Variants in AKAP19 observed in about 807,000 individuals in gnomAD.
AKAP19 encodes the protein small A-kinase anchoring protein.
chr2:190,076,053 T>C, the AKAP19 span, among the ~76,000 whole-genome samples: 494 of 152,334 alleles, frequency 3.2e-3, 6 homozygotes, highest in South Asian at 0.013. Flanking sequence ...CATCATACAT[T>C]TTACCTTTAC....
At chr2:190,149,303 A>AT in the AKAP19 span, among the ~76,000 whole-genome samples, 2 of 151,178 alleles carry the variant, frequency 1.3e-5, 1 homozygote, top group South Asian at 4.2e-4. Flanking sequence ...TATCTTTTGT[A>AT]TTTTTTTGTT....
At chr2:190,092,762 A>G in the AKAP19 span, among the ~76,000 whole-genome samples, 3 of 152,234 alleles carry the variant, frequency 2.0e-5, no homozygotes, top group Non-Finnish European at 4.4e-5. Context: ...TTGCCAGTCC[A>G]GAATAATAGC....
At chr2:189,887,053 C>A in the AKAP19 span, among the ~76,000 whole-genome samples, 1 of 152,110 alleles carries the variant, frequency 6.6e-6, no homozygotes, top group African/African-American at 2.4e-5. Context: ...AGATTCGTTA[C>A]ATAGGTATAC....
chr2:190,038,519 C>A, the AKAP19 span, among the ~76,000 whole-genome samples: 1 of 152,166 alleles, frequency 6.6e-6, no homozygotes, highest in East Asian at 1.9e-4. Context: ...AGAATCAGGG[C>A]ACCATCCTCA....
chr2:190,067,215 C>T, the AKAP19 span, among the ~76,000 whole-genome samples: 1 of 152,012 alleles, frequency 6.6e-6, no homozygotes, highest in Admixed American at 6.6e-5. Context: ...CATTATGGGG[C>T]CTCTGGAAAA....
the AKAP19 span, among the ~76,000 whole-genome samples, chr2:190,064,350 A>C: frequency 6.6e-6 from 1 of 152,254 alleles, no homozygotes; most frequent in African/African-American, 2.4e-5. Context: ...CAATGTGTAA[A>C]TCTTTCAAAT....
chr2:190,058,392 A>G, the AKAP19 span, among the ~76,000 whole-genome samples: 1 of 152,024 alleles, frequency 6.6e-6, no homozygotes, highest in Non-Finnish European at 1.5e-5. Flanking sequence ...AATAATTGAC[A>G]GTAGTTTTTA....
At chr2:189,893,885 C>T in the AKAP19 span, among the ~76,000 whole-genome samples, 170 of 152,302 alleles carry the variant, frequency 1.1e-3, no homozygotes, top group African/African-American at 4.0e-3. Flanking sequence ...TTGGCATCCA[C>T]TATGTGGATT....
the AKAP19 span, among the ~76,000 whole-genome samples, chr2:190,164,580 A>G: frequency 6.6e-6 from 1 of 152,234 alleles, no homozygotes; most frequent in African/African-American, 2.4e-5. Flanking sequence ...AAATTTATTT[A>G]TAATTTATTT....
the AKAP19 span, among the ~76,000 whole-genome samples, chr2:190,155,712 A>T: frequency 6.6e-6 from 1 of 152,198 alleles, no homozygotes; most frequent in Non-Finnish European, 1.5e-5. Context: ...CTAGTGAGAA[A>T]GAGAGTAGCT....
the AKAP19 span, among the ~76,000 whole-genome samples, chr2:190,075,353 G>C: frequency 6.6e-6 from 1 of 152,008 alleles, no homozygotes; most frequent in Non-Finnish European, 1.5e-5. Context: ...AAAATAATTT[G>C]TGTTCAGTTG....
the AKAP19 span, among the ~76,000 whole-genome samples, chr2:190,162,941 A>G: frequency 6.6e-6 from 1 of 152,222 alleles, no homozygotes; most frequent in Non-Finnish European, 1.5e-5. Context: ...GAAAAGAATA[A>G]AAGTTCTTAT....
the AKAP19 span, among the ~76,000 whole-genome samples, chr2:190,025,817 T>C: frequency 4.6e-5 from 7 of 152,226 alleles, no homozygotes; most frequent in African/African-American, 1.4e-4. Context: ...GTTTAGTCCC[T>C]ATAGCTTTAC....
At chr2:190,062,325 ATCAGT>A in the AKAP19 span, 16 of 1,613,382 alleles carry the variant, frequency 9.9e-6, no homozygotes. Context: ...ATACTGATCA[ATCAGT>A]TCCCGGAGTG....
chr2:189,929,887 G>A, the AKAP19 span, among the ~76,000 whole-genome samples: 2 of 152,122 alleles, frequency 1.3e-5, no homozygotes, highest in Non-Finnish European at 2.9e-5. Context: ...TTGGGGATGG[G>A]GAGGGGGAAG....
At chr2:190,097,783 G>A in the AKAP19 span, among the ~76,000 whole-genome samples, 1 of 145,878 alleles carries the variant, frequency 6.9e-6, no homozygotes, top group African/African-American at 2.5e-5. Context: ...AGCACTTTGG[G>A]AGGCCAAGGT....
the AKAP19 span, among the ~76,000 whole-genome samples, chr2:189,894,491 C>T: frequency 1.3e-3 from 205 of 152,192 alleles, 1 homozygote; most frequent in African/African-American, 4.5e-3. Context: ...GCTCACTGAA[C>T]TCACTGAGTT....
At chr2:190,146,747 T>C in the AKAP19 span, among the ~76,000 whole-genome samples, 140,006 of 152,290 alleles carry the variant, frequency 0.92, 65,093 homozygotes, top group East Asian at 1. Flanking sequence ...TTTCCCTGAT[T>C]ATTAGTGATG....
chr2:190,187,335 G>A, the AKAP19 span, among the ~76,000 whole-genome samples: 1 of 151,136 alleles, frequency 6.6e-6, no homozygotes, highest in Non-Finnish European at 1.5e-5. Flanking sequence ...AACCATCCCT[G>A]TTAATCCAGT....
Sources: gnomAD v4.1 joint callset for allele counts (sites outside exome capture counted in the v4.1 genomes callset) on GRCh38, gnomAD v4.1.1 for gene constraint, MANE v1.5 for transcripts, NCBI Gene and HGNC (gene_info 2026-07-23, HGNC 2026-07-21) for gene names.